Variants in PDZD2 observed in about 807,000 individuals in gnomAD.
PDZD2 encodes the protein PDZ domain-containing protein 2.
Under a neutral mutation model 220.7 loss-of-function variants are expected in PDZD2, and 90 were observed. The ratio of observed to expected loss-of-function variants is 0.41; its 90% confidence interval spans 0.34 to 0.49. PDZD2 has a LOEUF of 0.49. Among genes scored for constraint, PDZD2 ranks in the 20% least tolerant of loss-of-function variants. The pLI, the probability that PDZD2 is intolerant of heterozygous loss-of-function variation, is 0.28. For missense variants in PDZD2, 3,174 were observed against 3,608.5 expected (o/e 0.88, Z 3.08); for synonymous variants, 1,375 against 1,450.5 (o/e 0.95, Z 1.18).
chr5:31,762,405 A>G (rs1751704129), intron 1 of PDZD2, among the ~76,000 whole-genome samples: 1 of 152,172 alleles, frequency 6.6e-6, no homozygotes, highest in African/African-American at 2.4e-5. Context: ...CTCCTTCCTC[A>G]GCCTCCCAAG....
rs559641264 is a variant in PDZD2, at chr5:31,989,540, A to G, written c.978+5884A>G. Reference sequence around the variant, plus strand: ...TGGGTTCAAGCAATTCTCCTGCCTCAGCCTCCCAAATAGCTGGGACTATAG... The same window carrying G: ...TGGGTTCAAGCAATTCTCCTGCCTCGGCCTCCCAAATAGCTGGGACTATAG... On this transcript the variant is annotated intron_variant, in intron 3 of 24. Coordinates refer to ENST00000438447, the MANE Select transcript of PDZD2 (RefSeq NM_178140.4). Among the ~76,000 whole-genome samples the G allele has an allele frequency of 1.3e-4, 20 of 149,072 alleles. 2 individuals carry two copies. The highest frequency in any genetic ancestry group is 7.0e-3 in the Middle Eastern group (2 of 286).
rs556276502 is a variant in PDZD2 at position 32,014,706 on chromosome 5, C to CT, written c.1407+4252dup. The stretch of plus-strand genomic sequence containing the variant: ...ATTTTCTGCTCTGCAATGACAATTT[C>CT]TTTTTTTTTTTTTTTTTTTTTTTTT... On this transcript the variant is annotated intron_variant, in intron 6 of 24. Transcript: ENST00000438447. 1.2e-3 allele frequency among the ~76,000 whole-genome samples: 111 copies of CT among 95,416 alleles called. 7 individuals carry two copies. Among genetic ancestry groups the CT allele is most frequent in the East Asian group, 2.7e-3 (9 of 3,356 alleles). 62.6% of individuals were successfully genotyped at this position (95,416 alleles called of 152,430 possible).
At chr5:31,986,340 G>A (rs1750718415) in intron 3 of PDZD2, among the ~76,000 whole-genome samples, 1 of 152,038 alleles carries the variant, frequency 6.6e-6, no homozygotes, top group Non-Finnish European at 1.5e-5. Context: ...TTGGCCCCGG[G>A]TCATACTTTT....
chr5:31,797,598 G>T (rs1352884224), intron 1 of PDZD2, among the ~76,000 whole-genome samples: 1 of 152,114 alleles, frequency 6.6e-6, no homozygotes, highest in Non-Finnish European at 1.5e-5. Context: ...CTCCCAAAGT[G>T]CTGGGATTAC....
At chr5:31,772,731 C>T (rs915399832) in intron 1 of PDZD2, among the ~76,000 whole-genome samples, 1 of 144,206 alleles carries the variant, frequency 6.9e-6, no homozygotes, top group Non-Finnish European at 1.5e-5. Context: ...TCAGTGCTGC[C>T]TTTTTATTTT....
chr5:31,969,508 C>CAAAAAAAAAAAAAAAAAAA (rs1749073053), intron 2 of PDZD2, among the ~76,000 whole-genome samples: 1 of 9,280 alleles, frequency 1.1e-4, no homozygotes, highest in East Asian at 2.7e-3. Flanking sequence ...GGCCCCCTCT[C>CAAAAAAAAAAAAAAAAAAA]CAAAAAAAAA....
chr5:31,736,969 C>T (rs1388620828), intron 1 of PDZD2, among the ~76,000 whole-genome samples: 1 of 58,080 alleles, frequency 1.7e-5, no homozygotes, highest in Non-Finnish European at 4.0e-5. Context: ...CACCATGAGG[C>T]CTCCCCAGAA....
At chr5:31,872,267 G>C (rs1473522729) in intron 2 of PDZD2, among the ~76,000 whole-genome samples, 1 of 151,982 alleles carries the variant, frequency 6.6e-6, no homozygotes, top group African/African-American at 2.4e-5. Context: ...CCATCTCAGG[G>C]TCGGTCAACT....
At chr5:31,953,813 A>T (rs1209506424) in intron 2 of PDZD2, among the ~76,000 whole-genome samples, 1 of 151,986 alleles carries the variant, frequency 6.6e-6, no homozygotes, top group African/African-American at 2.4e-5. Context: ...CACCATACCC[A>T]GCTAATTTTT....
intron 1 of PDZD2, among the ~76,000 whole-genome samples, chr5:31,717,528 G>A (rs1362356618): frequency 2.0e-5 from 3 of 152,108 alleles, no homozygotes; most frequent in South Asian, 2.1e-4. Context: ...TTAGCACCTC[G>A]CTTGTCCCTG....
chr5:31,893,505 G>A (rs142787366), intron 2 of PDZD2, among the ~76,000 whole-genome samples: 22 of 152,320 alleles, frequency 1.4e-4, no homozygotes, highest in African/African-American at 4.8e-4. Context: ...GGGAGGCAGA[G>A]GTTACAGTGA....
chr5:31,848,848 G>A (rs1321239031), intron 2 of PDZD2, among the ~76,000 whole-genome samples: 2 of 152,106 alleles, frequency 1.3e-5, no homozygotes, highest in African/African-American at 2.4e-5. Context: ...AGGAGATTGA[G>A]AACATCCTGG....
intron 2 of PDZD2, among the ~76,000 whole-genome samples, chr5:31,928,436 A>G (rs1265437885): frequency 6.6e-6 from 1 of 152,150 alleles, no homozygotes; most frequent in African/African-American, 2.4e-5. Flanking sequence ...TATAGAATGT[A>G]TTTTTGGAAA....
chr5:31,702,139 A>C (rs1446358041), intron 1 of PDZD2, among the ~76,000 whole-genome samples: 2 of 152,172 alleles, frequency 1.3e-5, no homozygotes, highest in African/African-American at 2.4e-5. Context: ...TTACTTTCTC[A>C]TGGGCTCATG....
intron 10 of PDZD2, 46 bp from the exon 11 acceptor site, chr5:32,057,609 G>T (rs1217217725): frequency 8.8e-7 from 1 of 1,138,640 alleles, no homozygotes; most frequent in Non-Finnish European, 1.3e-6. Context: ...TAAATTCCAG[G>T]AAATTAAAGG....
chr5:32,021,014 A>T (rs1754157350), intron 6 of PDZD2, among the ~76,000 whole-genome samples: 2 of 151,324 alleles, frequency 1.3e-5, no homozygotes, highest in Admixed American at 1.3e-4. Flanking sequence ...GGGGAAAAAA[A>T]CCCCACCTTA....
chr5:31,690,565 G>A (rs1161512529), intron 1 of PDZD2, among the ~76,000 whole-genome samples: 1 of 152,144 alleles, frequency 6.6e-6, no homozygotes, highest in African/African-American at 2.4e-5. Context: ...CAGCTCTGGT[G>A]GCCATCCCTG....
intron 19 of PDZD2, among the ~76,000 whole-genome samples, chr5:32,080,056 G>A (rs1047473370): frequency 6.6e-5 from 10 of 151,492 alleles, no homozygotes; most frequent in Admixed American, 1.3e-4. Flanking sequence ...GTGTTAAAAA[G>A]GGTTCTATTT....
chr5:31,989,357 A>G (rs1750991727), intron 3 of PDZD2, among the ~76,000 whole-genome samples: 1 of 151,966 alleles, frequency 6.6e-6, no homozygotes, highest in Admixed American at 6.6e-5. Flanking sequence ...TTGCTGCAAA[A>G]GACATGATTT....
Sources: gnomAD v4.1 joint callset for allele counts (sites outside exome capture counted in the v4.1 genomes callset) on GRCh38, gnomAD v4.1.1 for gene constraint, MANE v1.5 for transcripts, NCBI Gene and HGNC (gene_info 2026-07-23, HGNC 2026-07-21) for gene names.